Variants in AP3M1 observed in about 807,000 individuals in gnomAD.
The protein encoded by AP3M1 is AP-3 complex subunit mu-1.
Under a neutral mutation model 42.6 loss-of-function variants are expected in AP3M1, and 29 were observed. The observed-to-expected ratio is 0.68, with a 90% CI of 0.51 to 0.93. AP3M1 has a LOEUF of 0.93. Ranked by LOEUF, AP3M1 falls within the 40% of genes least tolerant of loss-of-function variation. AP3M1 has a pLI of 0.00. For missense variants in AP3M1, 416 were observed against 510.2 expected (o/e 0.82, Z 1.78); for synonymous variants, 178 against 175.3 (o/e 1.02, Z -0.12).
At position 74,124,495 on chromosome 10, in the gene AP3M1, A is replaced by G; in HGVS notation, c.1041T>C (p.Thr347=). ...CTTTAAGACTTGGGAGCTTTTGTGGAGTAATTTTTCCCACATCCCATGTTA... is the reference window on the plus strand; with the variant it reads ...CTTTAAGACTTGGGAGCTTTTGTGGGGTAATTTTTCCCACATCCCATGTTA... The part of the protein sequence containing the change: ...KVLTWDVGKI[T]PQKLPSLKGL... Residue 347 remains threonine (T), a synonymous_variant, in exon 8 of 9, where the codon ACT becomes ACC. Transcript: ENST00000355264. 6.2e-7 allele frequency: 1 copy of G among 1,610,298 alleles called. No homozygotes were observed. Among genetic ancestry groups the G allele is most frequent in the Non-Finnish European group, 8.5e-7 (1 of 1,178,942 alleles).
Position 74,137,994 on chromosome 10 carries a change from CAG to C in AP3M1, c.273+111_273+112del, listed in dbSNP as rs1173109350. The stretch of plus-strand genomic sequence containing the variant: ...AAGGGCTTATGAATTTACGCTTAAA[CAG>C]AGAGAGACAGACAGTAAACATCAAA... On this transcript the variant is annotated intron_variant, in intron 2 of 8. Transcript: ENST00000355264. 5.3e-6 allele frequency: 6 copies of C among 1,135,668 alleles called. No individual in the cohort carries two copies. In the East Asian group the frequency reaches 1.0e-4, roughly 19 times the overall value. The allele number at this position is 1,135,668 out of a possible 1,614,324, so 70.3% of individuals were successfully genotyped here.
chr10:74,124,292 A>C, intron 8 of AP3M1, 88 bp downstream of exon 8: 1 of 1,488,614 alleles, frequency 6.7e-7, no homozygotes, highest in Non-Finnish European at 9.0e-7. Flanking sequence ...CTTTCTAGAG[A>C]AGGAAACTTT....
intron 6 of AP3M1, among the ~76,000 whole-genome samples, chr10:74,128,140 C>T (rs895215737): frequency 9.7e-5 from 14 of 144,704 alleles, no homozygotes; most frequent in East Asian, 2.0e-4. Flanking sequence ...AGAAAAGAGC[C>T]GAGAAATAAT....
At chr10:74,139,766 G>T (rs753571617) in intron 1 of AP3M1, among the ~76,000 whole-genome samples, 1 of 151,960 alleles carries the variant, frequency 6.6e-6, no homozygotes, top group Non-Finnish European at 1.5e-5. Flanking sequence ...AATTAGCCAG[G>T]CGTGGTGGCA....
At chr10:74,149,559 A>AT (rs1841472911) in intron 1 of AP3M1, among the ~76,000 whole-genome samples, 1 of 152,034 alleles carries the variant, frequency 6.6e-6, no homozygotes, top group South Asian at 2.1e-4. Context: ...AAGTGCTGAG[A>AT]TTACAGGCGT....
chr10:74,148,171 A>G (rs921085735), intron 1 of AP3M1, among the ~76,000 whole-genome samples: 1 of 152,202 alleles, frequency 6.6e-6, no homozygotes, highest in South Asian at 2.1e-4. Flanking sequence ...AGCAGTTCAT[A>G]AAGTGAAGGA....
In AP3M1 at chr10:74,123,552, A is replaced by G. The variant is rs141700296; in HGVS notation, c.*258T>C. ...TTACAATGTGCAGCCGCCAGATGGT[A>G]TCCTCCTATGGAAAAAAATCACCTC... On this transcript the variant is annotated 3_prime_UTR_variant, in exon 9 of 9. Transcript: ENST00000355264. 3.5e-3 allele frequency: 1,757 copies of G among 504,008 alleles called. 65 individuals are homozygous for G. In the East Asian group the frequency reaches 0.047, roughly 14 times the overall value. 31.2% of individuals were successfully genotyped at this position (504,008 alleles called of 1,614,324 possible).
rs1481324268 is a variant in AP3M1 at position 74,121,048 on chromosome 10, T to C, written c.*2762A>G. 2 of 152,156 alleles carry C rather than the reference T, an allele frequency of 1.3e-5. No individual in the cohort carries two copies. Among genetic ancestry groups the C allele is most frequent in the African/African-American group, 2.4e-5 (1 of 41,426 alleles). The allele number at this position is 152,156 out of a possible 1,614,324, so 9.4% of individuals were successfully genotyped here. A position where few individuals can be genotyped will look rare whatever the true frequency, so the allele number is the denominator to read the frequency against. On this transcript the variant is annotated 3_prime_UTR_variant, in exon 9 of 9. Transcript: ENST00000355264. ...AACATGTCATTAAAGGGTGATGATA[T>C]TGATATTTAGTGTTGCCAACTGCTA...
intron 5 of AP3M1, 27 bp downstream of exon 5, chr10:74,129,880 G>C: frequency 6.8e-7 from 1 of 1,471,790 alleles, no homozygotes; most frequent in South Asian, 1.1e-5. Context: ...CATTCAAGGG[G>C]CTATAAAACA....
Position 74,136,627 on chromosome 10 carries a change from C to T in AP3M1, c.445+5G>A. Reference sequence around the variant, plus strand: ...AGTTACTAGCACAGTATGTTTTCATCTTACCTGTAATAGAGTTGACAACAG... The same window carrying T: ...AGTTACTAGCACAGTATGTTTTCATTTTACCTGTAATAGAGTTGACAACAG... On this transcript the variant is annotated splice_donor_5th_base_variant and intron_variant, in intron 3 of 8. Transcript: ENST00000355264. 1.3e-6 allele frequency: 2 copies of T among 1,533,382 alleles called. No individual in the cohort carries two copies. 95.0% of individuals were successfully genotyped at this position (1,533,382 alleles called of 1,614,324 possible).
chr10:74,129,807 C>T, intron 5 of AP3M1, 100 bp downstream of exon 5: 1 of 828,488 alleles, frequency 1.2e-6, no homozygotes. Flanking sequence ...TAATCCTTTG[C>T]AATCTAAGAT....
In AP3M1 at chr10:74,123,376, C is replaced by T. The variant is rs79821899; in HGVS notation, c.*434G>A. 5.6e-5 allele frequency: 9 copies of T among 159,608 alleles called. No individual in the cohort carries two copies. The highest frequency in any genetic ancestry group is 3.7e-4 in the East Asian group (2 of 5,378). The allele number at this position is 159,608 out of a possible 1,614,324, so 9.9% of individuals were successfully genotyped here. On this transcript the variant is annotated 3_prime_UTR_variant, in exon 9 of 9. Transcript: ENST00000355264. ...TCTGGGGGTGGGGGGAATTTCCTCT[C>T]GGGACAGATACTGGTTTGGGATGGC... is the stretch of plus-strand genomic sequence containing the variant.
At position 74,123,488 on chromosome 10, in the gene AP3M1, T is replaced by C. The variant is rs1840528023; in HGVS notation, c.*322A>G. ...GCTGGATGAGACCAGTTAACTCTTT[T>C]AGGAGAGAGGTTATCACTACAGCTT... On this transcript the variant is annotated 3_prime_UTR_variant, in exon 9 of 9. Coordinates refer to ENST00000355264, the MANE Select transcript of AP3M1 (RefSeq NM_012095.6). 6.7e-6 allele frequency: 2 copies of C among 299,298 alleles called. No individual in the cohort carries two copies. Among genetic ancestry groups the C allele is most frequent in the Non-Finnish European group, 6.2e-6 (1 of 160,284 alleles). The allele number at this position is 299,298 out of a possible 1,614,324, so 18.5% of individuals were successfully genotyped here. A position where few individuals can be genotyped will look rare whatever the true frequency, so the allele number is the denominator to read the frequency against.
At chr10:74,145,109 C>A (rs1841290485) in intron 1 of AP3M1, among the ~76,000 whole-genome samples, 1 of 152,186 alleles carries the variant, frequency 6.6e-6, no homozygotes, top group South Asian at 2.1e-4. Flanking sequence ...TATCTAAAAT[C>A]ATTCATCCTA....
At chr10:74,136,874 T>C (rs903113974) in intron 2 of AP3M1, 71 bp from the exon 3 acceptor site, 1 of 1,092,618 alleles carries the variant, frequency 9.2e-7, no homozygotes, top group Non-Finnish European at 1.3e-6. Flanking sequence ...CTTTTTGTTC[T>C]GAAGAATAAA....
chr10:74,145,554 G>A (rs984907411), intron 1 of AP3M1, among the ~76,000 whole-genome samples: 3 of 152,042 alleles, frequency 2.0e-5, no homozygotes, highest in Middle Eastern at 6.8e-3. Flanking sequence ...TTTATTTATC[G>A]TCCTTTTGGT....
In AP3M1 at chr10:74,138,393, A is replaced by G. The variant is rs1232879826; in HGVS notation, c.-3-11T>C. 4 of 1,603,686 alleles carry G rather than the reference A, an allele frequency of 2.5e-6. No individual in the cohort carries two copies. The highest frequency in any genetic ancestry group is 2.6e-6 in the Non-Finnish European group (3 of 1,174,682). On this transcript the variant is annotated splice_polypyrimidine_tract_variant and intron_variant, in intron 1 of 8. Transcript: ENST00000355264. The stretch of plus-strand genomic sequence containing the variant: ...ACTGTGGATCATTTTCTGTTGGGGC[A>G]AAGAAAGGTTTAAATTTATTATACA...
intron 1 of AP3M1, among the ~76,000 whole-genome samples, chr10:74,147,922 T>C (rs1841381755): frequency 6.6e-6 from 1 of 151,760 alleles, no homozygotes; most frequent in African/African-American, 2.4e-5. Flanking sequence ...TCACTTGAAC[T>C]CTGGAGGCGG....
At chr10:74,147,609 AAG>A (rs1248608626) in intron 1 of AP3M1, among the ~76,000 whole-genome samples, 1 of 152,242 alleles carries the variant, frequency 6.6e-6, no homozygotes, top group East Asian at 1.9e-4. Flanking sequence ...TACACATAAA[AAG>A]AGTATTATAT....
Sources: gnomAD v4.1 joint callset for allele counts (sites outside exome capture counted in the v4.1 genomes callset) on GRCh38, gnomAD v4.1.1 for gene constraint, MANE v1.5 for transcripts, NCBI Gene and HGNC (gene_info 2026-07-23, HGNC 2026-07-21) for gene names.